The following MYO1B variants were observed in gnomAD, a reference collection of about 807,000 sequenced individuals.
MYO1B encodes the protein unconventional myosin-Ib.
MYO1B carries 72 observed loss-of-function variants against 159.7 expected under a neutral mutation model. That is an observed-to-expected ratio of 0.45 (90% CI 0.37 to 0.55). MYO1B has a LOEUF of 0.55. Ranked by LOEUF, MYO1B falls within the 20% of genes least tolerant of loss-of-function variation. MYO1B has a pLI of 0.00. For synonymous variants in MYO1B, 468 were observed against 473.8 expected (o/e 0.99, Z 0.16); for missense variants, 1,062 against 1,364.8 (o/e 0.78, Z 3.50).
At chr2:191,343,899 G>T (rs1692389818) in intron 5 of MYO1B, among the ~76,000 whole-genome samples, 1 of 152,170 alleles carries the variant, frequency 6.6e-6, no homozygotes, top group Non-Finnish European at 1.5e-5. Flanking sequence ...ACCAATTGAG[G>T]AATGTGTCTC....
chr2:191,350,323 A>G (rs1692831259), intron 7 of MYO1B, 98 bp downstream of exon 7: 2 of 802,036 alleles, frequency 2.5e-6, no homozygotes, highest in Non-Finnish European at 4.0e-6. Context: ...GAGGCATAAG[A>G]ATATGTTTCC....
At chr2:191,312,331 C>T (rs1321404416) in intron 3 of MYO1B, among the ~76,000 whole-genome samples, 1 of 152,112 alleles carries the variant, frequency 6.6e-6, no homozygotes, top group Non-Finnish European at 1.5e-5. Context: ...GGTCTATATT[C>T]TGTTTTACTC....
intron 1 of MYO1B, among the ~76,000 whole-genome samples, chr2:191,259,231 G>C (rs548336559): frequency 1.3e-5 from 2 of 152,188 alleles, no homozygotes; most frequent in African/African-American, 4.8e-5. Context: ...ATCTCATGCC[G>C]TGGGCTGCAA....
intron 2 of MYO1B, among the ~76,000 whole-genome samples, chr2:191,281,536 C>G (rs796148628): frequency 6.8e-4 from 104 of 152,304 alleles, no homozygotes; most frequent in African/African-American, 2.3e-3. Flanking sequence ...TGTCCTTTGT[C>G]AGACCTTCTT....
At chr2:191,260,254 CTTTT>C (rs57237733) in intron 1 of MYO1B, among the ~76,000 whole-genome samples, 1 of 60,962 alleles carries the variant, frequency 1.6e-5, no homozygotes, top group Non-Finnish European at 4.0e-5. Flanking sequence ...CCCAGATAGG[CTTTT>C]TTTTTTTTTG....
In MYO1B at chr2:191,385,746, T is replaced by A. The variant is rs186000834; in HGVS notation, c.1354-138T>A. The A allele has an allele frequency of 1.2e-5, 11 of 889,752 alleles. No individual in the cohort carries two copies. In the East Asian group the frequency reaches 2.7e-4, roughly 22 times the overall value. The allele number at this position is 889,752 out of a possible 1,614,324, so 55.1% of individuals were successfully genotyped here. On this transcript the variant is annotated intron_variant, in intron 15 of 30. Transcript: ENST00000392318. The stretch of plus-strand genomic sequence containing the variant: ...GATTCCTGTGGCTTTTGTTATTGTT[T>A]TGAGTCTCTGCTTTTTGTTATAACT...
In MYO1B at chr2:191,387,271, C is replaced by T. The variant is rs1472016193; in HGVS notation, c.1602C>T (p.Leu534=). The T allele has an allele frequency of 3.1e-6, 5 of 1,614,184 alleles. No individual in the cohort carries two copies. The highest frequency in any genetic ancestry group is 4.2e-6 in the Non-Finnish European group (5 of 1,180,044). The change falls in exon 17 of 31, where the codon CTC becomes CTT. Residue 534 remains leucine (L), a synonymous_variant. Coordinates refer to ENST00000392318, the MANE Select transcript of MYO1B (RefSeq NM_001130158.3). The part of the protein sequence containing the change: ...EGFVDKNNDL[L]YRDLSQAMWK... ...TCGTTGACAAAAACAATGACCTTCT[C>T]TATCGAGACCTGTCCCAAGCCATGT...
At chr2:191,388,215 T>C (rs1695515863) in intron 17 of MYO1B, 1 of 150,430 alleles carries the variant, frequency 6.6e-6, no homozygotes, top group African/African-American at 2.5e-5. Context: ...AGGCAGAGGT[T>C]GCAGTGAGCC....
chr2:191,350,280 T>C, intron 7 of MYO1B, 55 bp downstream of exon 7: 1 of 1,317,896 alleles, frequency 7.6e-7, no homozygotes, highest in Non-Finnish European at 1.1e-6. Context: ...AAACATATAT[T>C]TATAGTAGAA....
At chr2:191,337,091 T>TC (rs746175893) in intron 4 of MYO1B, among the ~76,000 whole-genome samples, 2 of 152,136 alleles carry the variant, frequency 1.3e-5, no homozygotes, top group Non-Finnish European at 2.9e-5. Flanking sequence ...AAGCCTTTTT[T>TC]CCCCCAATGC....
chr2:191,271,059 C>T (rs1687426320), intron 1 of MYO1B, among the ~76,000 whole-genome samples: 1 of 152,166 alleles, frequency 6.6e-6, no homozygotes, highest in African/African-American at 2.4e-5. Flanking sequence ...AGGCTGTGCA[C>T]TGTGCTTTCA....
chr2:191,274,916 C>CT (rs921016011), intron 1 of MYO1B, among the ~76,000 whole-genome samples: 21 of 150,966 alleles, frequency 1.4e-4, no homozygotes, highest in Admixed American at 3.3e-4. Context: ...TCTTTCTTTT[C>CT]TTTTTTTTTG....
chr2:191,327,619 C>G (rs774268351), intron 3 of MYO1B, among the ~76,000 whole-genome samples: 5 of 152,174 alleles, frequency 3.3e-5, no homozygotes, highest in African/African-American at 4.8e-5. Flanking sequence ...CCACTATCCC[C>G]ATTATGCAAT....
chr2:191,340,001 A>C (rs1193731312), intron 4 of MYO1B, among the ~76,000 whole-genome samples: 1 of 152,142 alleles, frequency 6.6e-6, no homozygotes, highest in African/African-American at 2.4e-5. Flanking sequence ...AGACCCTCCA[A>C]CTTGGAGGAG....
At chr2:191,288,457 C>A (rs1393085555) in intron 2 of MYO1B, among the ~76,000 whole-genome samples, 2 of 152,106 alleles carry the variant, frequency 1.3e-5, no homozygotes, top group Non-Finnish European at 2.9e-5. Flanking sequence ...ACTCATTAGA[C>A]AGTAAAATAA....
chr2:191,392,249 A>G (rs1455677479), intron 19 of MYO1B, 48 bp downstream of exon 19: 1 of 1,398,266 alleles, frequency 7.2e-7, no homozygotes, highest in African/African-American at 1.4e-5. Context: ...GGAATCGTAT[A>G]GGAAAGTTCT....
At chr2:191,360,437 C>T (rs762736581) in intron 7 of MYO1B, among the ~76,000 whole-genome samples, 194 bp from the exon 8 acceptor site, 3 of 152,052 alleles carry the variant, frequency 2.0e-5, no homozygotes, top group Non-Finnish European at 4.4e-5. Context: ...TTAAAAAGAA[C>T]GTGACCTGTG....
intron 3 of MYO1B, among the ~76,000 whole-genome samples, chr2:191,297,411 C>G (rs958672672): frequency 1.3e-5 from 2 of 152,174 alleles, no homozygotes; most frequent in Non-Finnish European, 2.9e-5. Context: ...TTGTGAACTG[C>G]TGCTGAACGT....
rs2126140149 is a variant in MYO1B, at chr2:191,402,632, G to A, written c.2470G>A (p.Ala824Thr). The A allele has an allele frequency of 6.2e-7, 1 of 1,613,226 alleles. No homozygotes were observed. The highest frequency in any genetic ancestry group is 2.2e-5 in the East Asian group (1 of 44,866). ...TTATTTACTATCTAAAACATTCTAG[G>A]CTCGAAGGGAATTGAAACGCTTGAA... ...VIWAYWLGSK[A>T]RRELKRLKEE... is the part of the protein sequence containing the mutation. The change falls in exon 24 of 31, where the codon GCT becomes ACT. Residue 824 changes from alanine (A) to threonine (T), a missense_variant and splice_region_variant. Transcript: ENST00000392318.
Sources: gnomAD v4.1 joint callset for allele counts (sites outside exome capture counted in the v4.1 genomes callset) on GRCh38, gnomAD v4.1.1 for gene constraint, MANE v1.5 for transcripts, NCBI Gene and HGNC (gene_info 2026-07-23, HGNC 2026-07-21) for gene names.